The following LPP variants were observed in gnomAD, a reference collection of about 807,000 sequenced individuals.
LPP encodes the protein LIM domain containing preferred translocation partner in lipoma.
LPP carries 38 observed loss-of-function variants against 60.4 expected under a neutral mutation model. The ratio of observed to expected loss-of-function variants is 0.63; its 90% CI spans 0.49 to 0.83. LPP has a LOEUF of 0.83. Among genes scored for constraint, LPP ranks in the 40% least tolerant of loss-of-function variants. The probability of loss-of-function intolerance (pLI) is 0.00; values close to 1 mark genes in which losing one functional copy is unlikely to be tolerated. For synonymous variants in LPP, 328 were observed against 290.8 expected (o/e 1.13, Z -1.30); for missense variants, 902 against 783.6 (o/e 1.15, Z -1.80).
At chr3:188,372,830 T>A (rs1773689931) in intron 3 of LPP, among the ~76,000 whole-genome samples, 1 of 152,002 alleles carries the variant, frequency 6.6e-6, no homozygotes, top group East Asian at 1.9e-4. Context: ...TAGCATTAGG[T>A]GTATCTCCTA....
chr3:188,507,502 C>G (rs947273919), intron 5 of LPP, among the ~76,000 whole-genome samples: 1 of 151,446 alleles, frequency 6.6e-6, no homozygotes. Context: ...AATAGTTACT[C>G]AGTGAAATCA....
chr3:188,561,023 C>G (rs1830547663), intron 6 of LPP, among the ~76,000 whole-genome samples: 1 of 152,022 alleles, frequency 6.6e-6, no homozygotes, highest in South Asian at 2.1e-4. Context: ...AATCCCAGGT[C>G]CTGGCCTGAA....
At chr3:188,188,094 G>T (rs1197042126) in intron 1 of LPP, among the ~76,000 whole-genome samples, 3 of 152,104 alleles carry the variant, frequency 2.0e-5, no homozygotes, top group African/African-American at 4.8e-5. Flanking sequence ...ACATTTTTAT[G>T]CATAAAGCCT....
At chr3:188,793,599 CAT>C (rs1352877609) in intron 9 of LPP, among the ~76,000 whole-genome samples, 2 of 152,134 alleles carry the variant, frequency 1.3e-5, no homozygotes, top group African/African-American at 4.8e-5. Context: ...AAAGCCTACT[CAT>C]ATGGGAGTAT....
At chr3:188,873,277 G>C (rs777627562) in intron 11 of LPP, among the ~76,000 whole-genome samples, 4 of 152,166 alleles carry the variant, frequency 2.6e-5, no homozygotes, top group Non-Finnish European at 4.4e-5. Flanking sequence ...CTGCTATTGT[G>C]TTCTGGATAC....
intron 4 of LPP, among the ~76,000 whole-genome samples, chr3:188,423,049 A>G (rs1788280780): frequency 6.6e-6 from 1 of 151,626 alleles, no homozygotes; most frequent in Non-Finnish European, 1.5e-5. Flanking sequence ...TGCTGCACCC[A>G]TCAACCCGTC....
At chr3:188,791,170 G>C (rs992048092) in intron 9 of LPP, among the ~76,000 whole-genome samples, 1 of 152,158 alleles carries the variant, frequency 6.6e-6, no homozygotes, top group Non-Finnish European at 1.5e-5. Flanking sequence ...CCTCTCAGGA[G>C]CATGGTCATT....
At chr3:188,548,011 T>C (rs574807731) in intron 6 of LPP, among the ~76,000 whole-genome samples, 1 of 152,302 alleles carries the variant, frequency 6.6e-6, no homozygotes, top group East Asian at 1.9e-4. Flanking sequence ...AAAGACCTAA[T>C]GCTTATTTTA....
chr3:188,729,626 C>G (rs1719691746), intron 8 of LPP, among the ~76,000 whole-genome samples: 1 of 152,108 alleles, frequency 6.6e-6, no homozygotes, highest in South Asian at 2.1e-4. Context: ...ATCAAGCCAG[C>G]TATATTTTTG....
intron 8 of LPP, among the ~76,000 whole-genome samples, chr3:188,713,985 G>A (rs540433137): frequency 1.8e-3 from 267 of 152,246 alleles, no homozygotes; most frequent in Non-Finnish European, 2.4e-3. Context: ...GACAAAAGCT[G>A]ATATTTACCT....
intron 3 of LPP, among the ~76,000 whole-genome samples, chr3:188,371,062 A>G (rs1052780634): frequency 2.0e-5 from 3 of 152,118 alleles, no homozygotes; most frequent in African/African-American, 7.2e-5. Flanking sequence ...ACTGACATAA[A>G]TCTTATACCA....
chr3:188,498,359 C>T (rs1810858318), intron 5 of LPP, among the ~76,000 whole-genome samples: 1 of 152,152 alleles, frequency 6.6e-6, no homozygotes, highest in African/African-American at 2.4e-5. Flanking sequence ...CCCCATTCCA[C>T]TCTCAGCCAG....
At chr3:188,738,069 T>C (rs1220854132) in intron 8 of LPP, among the ~76,000 whole-genome samples, 3 of 152,182 alleles carry the variant, frequency 2.0e-5, no homozygotes, top group African/African-American at 7.2e-5. Context: ...TTCTGTTACT[T>C]GTTATTTTTG....
At chr3:188,536,362 AAAG>A (rs1560533712) in intron 6 of LPP, among the ~76,000 whole-genome samples, 1 of 152,186 alleles carries the variant, frequency 6.6e-6, no homozygotes, top group Non-Finnish European at 1.5e-5. Context: ...TGCTTCATTA[AAAG>A]AAGCCTCTAA....
intron 8 of LPP, among the ~76,000 whole-genome samples, chr3:188,755,835 A>C (rs1577362867): frequency 2.1e-4 from 4 of 18,714 alleles, no homozygotes; most frequent in Admixed American, 8.2e-4. Context: ...AAAAAAAAAA[A>C]AAAAAAAAAA....
At chr3:188,551,858 A>G (rs1356096) in intron 6 of LPP, among the ~76,000 whole-genome samples, 68,157 of 151,946 alleles carry the variant, frequency 0.45, 16,374 homozygotes, top group East Asian at 0.92. Context: ...GAAACCATAA[A>G]CAGCTTAGCT....
chr3:188,691,646 A>T (rs187177300), intron 7 of LPP, among the ~76,000 whole-genome samples: 4 of 152,334 alleles, frequency 2.6e-5, no homozygotes, highest in African/African-American at 9.6e-5. Context: ...ACTTGAGGAA[A>T]CCGGACCCAG....
chr3:188,706,053 G>C (rs1307905163), intron 7 of LPP, among the ~76,000 whole-genome samples: 1 of 152,154 alleles, frequency 6.6e-6, no homozygotes, highest in African/African-American at 2.4e-5. Flanking sequence ...AATAAACCCT[G>C]TAAGAATGAG....
chr3:188,886,022 A>G lies in LPP; in HGVS notation c.*11543A>G, dbSNP rs1770614325. The stretch of plus-strand genomic sequence containing the variant: ...TGTAGGGACATGGATGAAATTGGAA[A>G]TCATCATTCTCAGTAAACTATCTCA... On this transcript the variant is annotated 3_prime_UTR_variant, in exon 12 of 12. Transcript: ENST00000617246. The G allele has an allele frequency of 1.3e-5, 2 of 152,120 alleles. No individual in the cohort carries two copies. The highest frequency in any genetic ancestry group is 1.3e-4 in the Admixed American group (2 of 15,252). The allele number at this position is 152,120 out of a possible 1,614,324, so 9.4% of individuals were successfully genotyped here. A position where few individuals can be genotyped will look rare whatever the true frequency, so the allele number is the denominator to read the frequency against.
Sources: gnomAD v4.1 joint callset for allele counts (sites outside exome capture counted in the v4.1 genomes callset) on GRCh38, gnomAD v4.1.1 for gene constraint, MANE v1.5 for transcripts, NCBI Gene and HGNC (gene_info 2026-07-23, HGNC 2026-07-21) for gene names.